Variants in MACF1 observed in about 807,000 individuals in gnomAD.
MACF1 encodes the protein microtubule-actin cross-linking factor 1.
In MACF1, 193 loss-of-function variants were observed where a neutral mutation model predicts 854.8. The observed-to-expected ratio is 0.23, with a 90% CI of 0.20 to 0.25. The LOEUF (loss-of-function observed/expected upper bound fraction) is 0.25, where lower values mean the gene tolerates loss of function less well. MACF1 is among the 10% of genes least tolerant of loss of function. MACF1 has a pLI of 1.00. For synonymous variants in MACF1, 3,185 were observed against 3,226.7 expected, an observed-to-expected ratio of 0.99 and a Z score of 0.44; for missense variants, 7,722 against 8,929.1, an observed-to-expected ratio of 0.86 and a Z score of 5.45.
chr1:39,205,244 G>C (rs936714611), intron 1 of MACF1, 113 bp downstream of exon 1: 2 of 660,786 alleles, frequency 3.0e-6, no homozygotes, highest in Admixed American at 2.2e-5. Flanking sequence ...ACGTCCTTCA[G>C]CTGGGGTGCT....
intron 51 of MACF1, among the ~76,000 whole-genome samples, chr1:39,372,104 C>A (rs751700254): frequency 9.2e-5 from 14 of 152,112 alleles, no homozygotes; most frequent in Non-Finnish European, 1.5e-4. Flanking sequence ...CAGGTGTGAA[C>A]CACCATGCCC....
chr1:39,417,688 A>G (rs1348207011), intron 58 of MACF1, among the ~76,000 whole-genome samples: 1 of 143,566 alleles, frequency 7.0e-6, no homozygotes, highest in Non-Finnish European at 1.5e-5. Context: ...TTGGGATTAC[A>G]GGAATGTGCC....
At chr1:39,461,791 C>CA (rs59393084) in intron 92 of MACF1, 92 bp from the exon 93 acceptor site, 4,212 of 349,998 alleles carry the variant, frequency 0.012, 28 homozygotes, top group African/African-American at 0.016. Context: ...GACCTTGTCT[C>CA]AAAAAAAAAA....
chr1:39,311,007 C>T lies in MACF1; in HGVS notation c.3270+7C>T, dbSNP rs780596343. The T allele has an allele frequency of 1.2e-6, 2 of 1,608,294 alleles. No homozygotes were observed. Among genetic ancestry groups the T allele is most frequent in the Non-Finnish European group, 1.7e-6 (2 of 1,177,434 alleles). On this transcript the variant is annotated splice_region_variant and intron_variant, in intron 26 of 100. Coordinates refer to ENST00000564288, the MANE Select transcript of MACF1 (RefSeq NM_001394062.1). ...AAGGATTGCAGAGCAAGAGGTAAGC[C>T]CTAAGAGCCATGTGGATGCTGGTTG...
chr1:39,227,124 C>T (rs1015068017), intron 1 of MACF1, among the ~76,000 whole-genome samples: 1 of 152,202 alleles, frequency 6.6e-6, no homozygotes. Context: ...TGATAGCTTG[C>T]TGCAGCCTCA....
At chr1:39,104,242 C>CGT (rs1313066254) in intron 2 of MACF1, among the ~76,000 whole-genome samples, 1 of 152,146 alleles carries the variant, frequency 6.6e-6, no homozygotes, top group Non-Finnish European at 1.5e-5. Context: ...CTACATTGAC[C>CGT]AGAGTTCTTC....
chr1:39,412,276 G>A (rs765468153), intron 58 of MACF1: 9 of 1,613,822 alleles, frequency 5.6e-6, no homozygotes, highest in Admixed American at 1.7e-5. Context: ...TGAAGTAGAG[G>A]TGTTATATGA....
At position 39,486,695 on chromosome 1, in the gene MACF1, T is replaced by C. The variant is rs944686008; in HGVS notation, c.*901T>C. On this transcript the variant is annotated 3_prime_UTR_variant, in exon 101 of 101. Coordinates refer to ENST00000564288, the MANE Select transcript of MACF1 (RefSeq NM_001394062.1). ...GAATTCCACGAGCCTGTTCTGAAAA[T>C]GTGGACGTAAGACAAACACGTGCTC... 4 of 152,636 alleles carry C rather than the reference T, an allele frequency of 2.6e-5. No individual in the cohort carries two copies. The highest frequency in any genetic ancestry group is 9.7e-5 in the African/African-American group (4 of 41,446). 9.5% of individuals were successfully genotyped at this position (152,636 alleles called of 1,614,324 possible).
intron 85 of MACF1, among the ~76,000 whole-genome samples, chr1:39,451,704 A>T (rs1480109496): frequency 6.6e-6 from 1 of 152,158 alleles, no homozygotes; most frequent in Non-Finnish European, 1.5e-5. Context: ...GATTCTTATT[A>T]TGTGCACAGC....
chr1:39,358,934 C>T (rs1265978360), intron 46 of MACF1, 61 bp downstream of exon 46: 20 of 1,531,886 alleles, frequency 1.3e-5, no homozygotes, highest in South Asian at 1.3e-5. Flanking sequence ...GCGTAAAGTA[C>T]CCCAAAATAA....
At chr1:39,331,092 C>T (rs563071845) in intron 36 of MACF1, 111 bp from the exon 37 acceptor site, 1 of 1,408,428 alleles carries the variant, frequency 7.1e-7, no homozygotes, top group South Asian at 1.6e-5. Flanking sequence ...GGCCTGTATA[C>T]TATAGTTCTT....
At chr1:39,465,294 G>T (rs1203031561) in intron 95 of MACF1, among the ~76,000 whole-genome samples, 182 bp downstream of exon 95, 1 of 152,178 alleles carries the variant, frequency 6.6e-6, no homozygotes, top group African/African-American at 2.4e-5. Context: ...AGCAGCAAAA[G>T]AATATAAGTA....
In MACF1 at chr1:39,283,632, G is replaced by A. The variant is rs1001259469; in HGVS notation, c.915+117G>A. On this transcript the variant is annotated intron_variant, in intron 9 of 100. Transcript: ENST00000564288. The surrounding 1 kb of genome is among the most constrained non-coding windows in gnomAD (Gnocchi z 4.5). ...CTCATGGTATCAAACTATATATCCA[G>A]TATCTTTATCATACATGGACATTAT... 1.8e-5 allele frequency: 13 copies of A among 715,408 alleles called. No homozygotes were observed. Among genetic ancestry groups the A allele is most frequent in the Non-Finnish European group, 3.1e-5 (13 of 413,536 alleles). 44.3% of individuals were successfully genotyped at this position (715,408 alleles called of 1,614,324 possible).
At chr1:39,336,783 C>G (rs1646817554) in intron 37 of MACF1, 130 bp downstream of exon 37, 1 of 865,572 alleles carries the variant, frequency 1.2e-6, no homozygotes, top group South Asian at 2.3e-5. Context: ...CTAGATGATT[C>G]TCTAAGATAT....
chr1:39,247,218 G>A (rs568120922), intron 2 of MACF1, among the ~76,000 whole-genome samples: 118 of 151,308 alleles, frequency 7.8e-4, no homozygotes, highest in Non-Finnish European at 1.4e-3. Flanking sequence ...GACTACAGGC[G>A]CGCGCCACCA....
rs900085763 is a variant in MACF1 at position 39,415,334 on chromosome 1, A to AT, written c.15817-7028dup. ...CTCTCTTGGCTCTAAGATTCTTTTT[A>AT]TTTTTTTTTTTTAGATGGAGTCTGG... On this transcript the variant is annotated intron_variant, in intron 58 of 100. Transcript: ENST00000564288. Among the ~76,000 whole-genome samples the AT allele has an allele frequency of 1.8e-3, 261 of 142,320 alleles. 1 individual carries two copies. The highest frequency in any genetic ancestry group is 3.8e-3 in the African/African-American group (148 of 39,038). 93.4% of individuals were successfully genotyped at this position (142,320 alleles called of 152,430 possible).
chr1:39,138,936 A>C (rs1300720493), intron 2 of MACF1, among the ~76,000 whole-genome samples: 7 of 152,132 alleles, frequency 4.6e-5, no homozygotes, highest in Non-Finnish European at 8.8e-5. Context: ...AAGTGCTGGG[A>C]TTACAGGCGT....
intron 6 of MACF1, among the ~76,000 whole-genome samples, chr1:39,279,077 G>T (rs1645493939): frequency 6.6e-6 from 1 of 152,226 alleles, no homozygotes; most frequent in Admixed American, 6.5e-5. Context: ...TGAACATGCA[G>T]TCAGAGCAGA....
At chr1:39,266,053 G>C (rs977924748) in intron 6 of MACF1, among the ~76,000 whole-genome samples, 2 of 152,128 alleles carry the variant, frequency 1.3e-5, no homozygotes, top group African/African-American at 4.8e-5. Flanking sequence ...CCCTAGACCA[G>C]TTTTTCTCTG....
Sources: gnomAD v4.1 joint callset for allele counts (sites outside exome capture counted in the v4.1 genomes callset) on GRCh38, gnomAD v4.1.1 for gene constraint, Gnocchi (gnomAD v3.1) non-coding constraint, MANE v1.5 for transcripts, NCBI Gene and HGNC (gene_info 2026-07-23, HGNC 2026-07-21) for gene names.